The following PPL variants were observed in gnomAD, a reference collection of about 807,000 sequenced individuals.
The protein encoded by PPL is 190 kDa paraneoplastic pemphigus antigen.
Under a neutral mutation model 194.4 loss-of-function variants are expected in PPL, and 198 were observed. The observed-to-expected ratio is 1.02, with a 90% CI of 0.91 to 1.15. The LOEUF (loss-of-function observed/expected upper bound fraction) is 1.15. Among genes scored for constraint, PPL ranks in the 50% most tolerant of loss-of-function variants. PPL has a pLI of 0.00. For missense variants in PPL, 2,885 were observed against 2,294.8 expected (o/e 1.26, Z -5.25); for synonymous variants, 1,220 against 972.4 (o/e 1.25, Z -4.74).
chr16:4,890,108 C>T, intron 18 of PPL, 76 bp downstream of exon 18: 2 of 1,607,256 alleles, frequency 1.2e-6, no homozygotes, highest in Non-Finnish European at 1.7e-6. Context: ...AGGCTTGGCT[C>T]CCCAGAAAGG....
intron 1 of PPL, among the ~76,000 whole-genome samples, chr16:4,914,013 G>C (rs1415510588): frequency 1.3e-5 from 2 of 152,234 alleles, no homozygotes; most frequent in Non-Finnish European, 2.9e-5. Flanking sequence ...GGAACCTCTG[G>C]ACTGGCTGGG....
chr16:4,929,390 G>T (rs1033471283), intron 1 of PPL, among the ~76,000 whole-genome samples: 1 of 151,998 alleles, frequency 6.6e-6, no homozygotes, highest in Non-Finnish European at 1.5e-5. Flanking sequence ...CTCAGGGCTT[G>T]CCTGCAGGCT....
At chr16:4,926,947 C>T (rs1342779415) in intron 1 of PPL, among the ~76,000 whole-genome samples, 1 of 149,688 alleles carries the variant, frequency 6.7e-6, no homozygotes, top group Non-Finnish European at 1.5e-5. Flanking sequence ...GTATTTTCAT[C>T]CACTGTGTTC....
intron 21 of PPL, among the ~76,000 whole-genome samples, chr16:4,886,614 CTTTT>C (rs2088224212): frequency 6.6e-6 from 1 of 152,176 alleles, no homozygotes; most frequent in Non-Finnish European, 1.5e-5. Context: ...CATTCACTTT[CTTTT>C]GTTTCTTTCT....
chr16:4,893,326 T>G lies in PPL; in HGVS notation c.1537A>C (p.Lys513Gln). 3.1e-6 allele frequency: 5 copies of G among 1,608,616 alleles called. No individual in the cohort carries two copies. Among genetic ancestry groups the G allele is most frequent in the Non-Finnish European group, 4.2e-6 (5 of 1,179,726 alleles). ...TGCCGGTCCAGGTCGCTGGCCACCT[T>G]GTCCAAGCCAGCCAGCAGCTGCCGC... is the stretch of plus-strand genomic sequence containing the variant. ...QGRQLLAGLD[K>Q]VASDLDRQEK... The change falls in exon 14 of 22, where the codon AAG (lysine) becomes CAG (glutamine). Residue 513 changes from lysine (K) to glutamine (Q), a missense_variant. Coordinates refer to ENST00000345988, the MANE Select transcript of PPL (RefSeq NM_002705.5).
chr16:4,926,601 C>T (rs1211611379), intron 1 of PPL, among the ~76,000 whole-genome samples: 7 of 152,130 alleles, frequency 4.6e-5, no homozygotes, highest in Non-Finnish European at 7.4e-5. Flanking sequence ...TTTGGCTTGG[C>T]GCGGTGACTC....
chr16:4,935,106 C>T (rs1395337922), intron 1 of PPL, among the ~76,000 whole-genome samples: 1 of 152,160 alleles, frequency 6.6e-6, no homozygotes, highest in Non-Finnish European at 1.5e-5. Context: ...TGCCTTGGGC[C>T]AGATATACAG....
intron 1 of PPL, among the ~76,000 whole-genome samples, chr16:4,935,835 C>T (rs2089290445): frequency 6.6e-6 from 1 of 152,164 alleles, no homozygotes; most frequent in African/African-American, 2.4e-5. Context: ...AAGTGAGGAG[C>T]TGCTTGAGGG....
Position 4,889,058 on chromosome 16 carries a change from G to A in PPL, c.2317C>T (p.Leu773=), listed in dbSNP as rs1199992412. Residue 773 remains leucine (L), a synonymous_variant, in exon 19 of 22, where the codon CTG becomes TTG. Coordinates refer to ENST00000345988, the MANE Select transcript of PPL (RefSeq NM_002705.5). ...METKLKNQKN[L]LDEIASREQE... is the part of the protein sequence containing the mutation. ...TCCCTACTTGCTATCTCATCTAGCAGGTTCTGTAAGACAGAGTTTAAAAAT... is the reference window on the plus strand; with the variant it reads ...TCCCTACTTGCTATCTCATCTAGCAAGTTCTGTAAGACAGAGTTTAAAAAT... 2 of 1,612,790 alleles carry A rather than the reference G, an allele frequency of 1.2e-6. No homozygotes were observed. The highest frequency in any genetic ancestry group is 2.7e-5 in the African/African-American group (2 of 74,802).
intron 1 of PPL, among the ~76,000 whole-genome samples, chr16:4,934,740 C>T (rs1343382096): frequency 1.3e-5 from 2 of 152,166 alleles, no homozygotes; most frequent in Non-Finnish European, 2.9e-5. Context: ...AAGTCTGTCC[C>T]CTCCACCCCC....
intron 1 of PPL, among the ~76,000 whole-genome samples, chr16:4,936,067 C>T (rs754444604): frequency 1.3e-5 from 2 of 152,188 alleles, no homozygotes; most frequent in African/African-American, 4.8e-5. Flanking sequence ...CACCAGGCTC[C>T]CCTAAACCGG....
Position 4,884,148 on chromosome 16 carries a change from C to A in PPL, c.4507G>T (p.Glu1503Ter), listed in dbSNP as rs750003955. The A allele has an allele frequency of 1.2e-6, 2 of 1,613,818 alleles. No homozygotes were observed. The highest frequency in any genetic ancestry group is 1.1e-5 in the South Asian group (1 of 91,072). Residue 1503 changes from glutamate to a stop codon, truncating the protein, a stop_gained, in exon 22 of 22, where the codon GAG (glutamate) becomes TAG (stop). Coordinates refer to ENST00000345988, the MANE Select transcript of PPL (RefSeq NM_002705.5). LOFTEE classifies it high-confidence loss of function. The surrounding 1 kb of genome is among the most constrained non-coding windows in gnomAD (Gnocchi z 5.7). ...AEVKEKVVLS[E>*]SVQVEKGDTE... ...TCGCCCTTCTCCACCTGGACACTCT[C>A]GGAGAGCACCACCTTCTCCTTGACC...
At chr16:4,888,528 C>G (rs1013204507) in intron 19 of PPL, among the ~76,000 whole-genome samples, 2 of 152,192 alleles carry the variant, frequency 1.3e-5, no homozygotes, top group Non-Finnish European at 2.9e-5. Flanking sequence ...TAACATCGTA[C>G]CATAACCCTG....
At chr16:4,904,517 C>G (rs1017587537) in intron 2 of PPL, among the ~76,000 whole-genome samples, 2 of 152,156 alleles carry the variant, frequency 1.3e-5, no homozygotes, top group Non-Finnish European at 1.5e-5. Flanking sequence ...CTCTGGTGGT[C>G]AGGGAAGCCT....
intron 1 of PPL, among the ~76,000 whole-genome samples, chr16:4,936,129 C>T (rs931632916): frequency 2.0e-5 from 3 of 152,206 alleles, no homozygotes; most frequent in African/African-American, 7.2e-5. Context: ...CTGCTTCTCC[C>T]TGCAAACACA....
chr16:4,901,919 G>C (rs1262614108), intron 4 of PPL, among the ~76,000 whole-genome samples: 1 of 150,820 alleles, frequency 6.6e-6, no homozygotes, highest in Non-Finnish European at 1.5e-5. Context: ...TAGTCTGCGC[G>C]ACAGAGTGAG....
At chr16:4,915,129 T>C (rs1268079843) in intron 1 of PPL, among the ~76,000 whole-genome samples, 3 of 152,224 alleles carry the variant, frequency 2.0e-5, no homozygotes, top group African/African-American at 7.2e-5. Context: ...TTGTGGCAGA[T>C]GCAAGAAAAG....
intron 6 of PPL, among the ~76,000 whole-genome samples, chr16:4,900,456 T>TA (rs869303173): frequency 7.8e-6 from 1 of 128,868 alleles, no homozygotes; most frequent in South Asian, 2.4e-4. Context: ...TTTTTTTTTT[T>TA]AAAGGCAGGG....
At position 4,890,117 on chromosome 16, in the gene PPL, G is replaced by A. The variant is rs1353752743; in HGVS notation, c.2313+67C>T. ...TCCCAAAGGCTTGGCTCCCCAGAAA[G>A]GGGCTTGTTGACCTCTGACCCTCCC... is the stretch of plus-strand genomic sequence containing the variant. On this transcript the variant is annotated intron_variant, in intron 18 of 21. Coordinates refer to ENST00000345988, the MANE Select transcript of PPL (RefSeq NM_002705.5). 2.5e-6 allele frequency: 4 copies of A among 1,610,130 alleles called. No homozygotes were observed. In the East Asian group the frequency reaches 8.9e-5, roughly 36 times the overall value.
Sources: allele counts gnomAD v4.1 joint callset (sites outside exome capture counted in the v4.1 genomes callset), GRCh38; gene constraint gnomAD v4.1.1; non-coding constraint Gnocchi (gnomAD v3.1); transcripts MANE v1.5; gene names NCBI Gene and HGNC (gene_info 2026-07-23, HGNC 2026-07-21).